CNOT8: variants seen among roughly 807,000 people sequenced by gnomAD.
The protein encoded by CNOT8 is CCR4-NOT transcription complex subunit 8.
Under a neutral mutation model 34.6 loss-of-function variants are expected in CNOT8, and 18 were observed. That is an observed-to-expected ratio of 0.52 (90% CI 0.36 to 0.77). The LOEUF is 0.77. CNOT8 is among the 30% of genes least tolerant of loss of function. The pLI is 0.00. For missense variants in CNOT8, 189 were observed against 347.9 expected (o/e 0.54, Z 3.63); for synonymous variants, 101 against 118.8 (o/e 0.85, Z 0.98).
At chr5:154,872,799 T>C (rs1324553015) in intron 6 of CNOT8, 148 bp downstream of exon 6, 5 of 329,712 alleles carry the variant, frequency 1.5e-5, no homozygotes, top group African/African-American at 2.2e-5. Context: ...GATGAAGCCT[T>C]GCTCTGTCAC....
At position 154,872,597 on chromosome 5, in the gene CNOT8, C is replaced by T. The variant is rs1762583153; in HGVS notation, c.675C>T (p.His225=). Residue 225 remains histidine, a synonymous_variant, in exon 6 of 7, where the codon CAC becomes CAT. Coordinates refer to ENST00000285896, the MANE Select transcript of CNOT8 (RefSeq NM_001301073.2). The part of the protein sequence containing the change: ...QLDLQRIGRQ[H]QAGSDSLLTG... ...ATTTGCAGAGGATTGGAAGGCAGCA[C>T]CAGGCAGGCTCAGACTCACTGCTGA... 1.2e-6 allele frequency: 2 copies of T among 1,613,728 alleles called. No homozygotes were observed. The highest frequency in any genetic ancestry group is 1.3e-5 in the African/African-American group (1 of 74,992).
rs1386520165 is a variant in CNOT8 at position 154,871,741 on chromosome 5, T to G, written c.485T>G (p.Phe162Cys). 6.2e-7 allele frequency: 1 copy of G among 1,614,050 alleles called. No individual in the cohort carries two copies. Residue 162 changes from phenylalanine to cysteine, a missense_variant, in exon 5 of 7, where the codon TTT becomes TGT. Physicochemically the swap from Phe to Cys is radical, Grantham distance 205 (BLOSUM62 -2). Around this residue, in one of 2 missense-constraint regions of CNOT8, gnomAD observed 160 missense variants for 321.9 expected, o/e 0.50. Transcript: ENST00000285896. ...TTATTCTCTTGTAGTGGCTATGATTTTGGCTATATGGTAAAGTTGCTTACA... is the reference window on the plus strand; with the variant it reads ...TTATTCTCTTGTAGTGGCTATGATTGTGGCTATATGGTAAAGTTGCTTACA... ...KWLSFHSGYD[F>C]GYMVKLLTDS...
chr5:154,866,763 A>G (rs563143402), intron 3 of CNOT8, among the ~76,000 whole-genome samples: 2 of 152,264 alleles, frequency 1.3e-5, no homozygotes, highest in South Asian at 4.1e-4. Context: ...AAATAAAAAA[A>G]TTAGCTGGGT....
Position 154,875,309 on chromosome 5 carries a change from T to A in CNOT8, c.749T>A (p.Ile250Asn). The change falls in exon 7 of 7, where the codon ATT becomes AAT. Residue 250 changes from isoleucine (I) to asparagine (N), a missense_variant. Around this residue, in one of 2 missense-constraint regions of CNOT8, gnomAD observed 160 missense variants for 321.9 expected, o/e 0.50. Transcript: ENST00000285896. ...RMKELFFEDSIDDAKYCGRLY... is the reference protein window; with the variant it reads ...RMKELFFEDSNDDAKYCGRLY... ...CTGCAGTTGTTTTTTGAGGACAGCA[T>A]TGATGATGCCAAGTACTGTGGGCGG... is the stretch of plus-strand genomic sequence containing the variant. 6.2e-7 allele frequency: 1 copy of A among 1,614,148 alleles called. No individual in the cohort carries two copies. The highest frequency in any genetic ancestry group is 8.5e-7 in the Non-Finnish European group (1 of 1,180,026).
intron 3 of CNOT8, among the ~76,000 whole-genome samples, chr5:154,865,872 G>C (rs1200931226): frequency 6.6e-6 from 1 of 152,202 alleles, no homozygotes; most frequent in African/African-American, 2.4e-5. Flanking sequence ...CTCCTAGGCA[G>C]TGGAAAATTC....
chr5:154,875,348 G>T lies in CNOT8; in HGVS notation c.788G>T (p.Gly263Val). ...AKYCGRLYGL[G>V]TGVAQKQNED... The stretch of plus-strand genomic sequence containing the variant: ...TACTGTGGGCGGCTCTATGGCTTAG[G>T]CACAGGAGTGGCCCAGAAGCAGAAT... Residue 263 changes from glycine to valine, a missense_variant, in exon 7 of 7, where the codon GGC (glycine) becomes GTC (valine). Coordinates refer to ENST00000285896, the MANE Select transcript of CNOT8 (RefSeq NM_001301073.2). 1 of 1,614,144 alleles carries T rather than the reference G, an allele frequency of 6.2e-7. No individual in the cohort carries two copies. Among genetic ancestry groups the T allele is most frequent in the South Asian group, 1.1e-5 (1 of 91,084 alleles).
chr5:154,864,235 C>T (rs917533465), intron 2 of CNOT8, among the ~76,000 whole-genome samples: 10 of 151,934 alleles, frequency 6.6e-5, no homozygotes, highest in Admixed American at 2.6e-4. Flanking sequence ...CCGAGACGGG[C>T]GGATCACGAG....
At chr5:154,861,580 C>G (rs904870469) in intron 1 of CNOT8, among the ~76,000 whole-genome samples, 3 of 152,198 alleles carry the variant, frequency 2.0e-5, no homozygotes, top group African/African-American at 7.2e-5. Context: ...CACTTACATT[C>G]GTTTTACTGT....
chr5:154,872,050 C>T (rs1460509739), intron 5 of CNOT8, among the ~76,000 whole-genome samples, 176 bp downstream of exon 5: 1 of 152,138 alleles, frequency 6.6e-6, no homozygotes, highest in Non-Finnish European at 1.5e-5. Flanking sequence ...CGATCTTTAA[C>T]CTGGCCATGA....
intron 3 of CNOT8, chr5:154,870,405 TA>T: frequency 1.3e-5 from 3 of 238,008 alleles, no homozygotes; most frequent in Non-Finnish European, 2.4e-5. Flanking sequence ...TTTTTTTTTT[TA>T]AATAATGAGC....
chr5:154,875,449 G>A lies in CNOT8; in HGVS notation c.*10G>A, dbSNP rs770150803. 3.1e-6 allele frequency: 5 copies of A among 1,612,700 alleles called. No homozygotes were observed. The highest frequency in any genetic ancestry group is 1.3e-5 in the African/African-American group (1 of 74,910). ...CAACATGCAGCAGTGATGGCGCCAG[G>A]CTCTGCAGGGTGGGCCTGATCCCAG... On this transcript the variant is annotated 3_prime_UTR_variant, in exon 7 of 7. Coordinates refer to ENST00000285896, the MANE Select transcript of CNOT8 (RefSeq NM_001301073.2).
At position 154,875,957 on chromosome 5, in the gene CNOT8, A is replaced by G. The variant is rs913626854; in HGVS notation, c.*518A>G. 5.9e-5 allele frequency: 9 copies of G among 153,378 alleles called. No homozygotes were observed. The highest frequency in any genetic ancestry group is 2.2e-4 in the African/African-American group (9 of 41,456). The allele number at this position is 153,378 out of a possible 1,614,324, so 9.5% of individuals were successfully genotyped here. A position where few individuals can be genotyped will look rare whatever the true frequency, so the allele number is the denominator to read the frequency against. ...TCCTTTTCTGACCCTTCTCGAGGAC[A>G]TTTGCTTTCCTCACACTTTTGTAGT... On this transcript the variant is annotated 3_prime_UTR_variant, in exon 7 of 7. Coordinates refer to ENST00000285896, the MANE Select transcript of CNOT8 (RefSeq NM_001301073.2).
intron 4 of CNOT8, 31 bp downstream of exon 4, chr5:154,870,853 C>T (rs769412049): frequency 2.5e-6 from 4 of 1,570,224 alleles, no homozygotes; most frequent in African/African-American, 1.4e-5. Flanking sequence ...ATTTCTCTCT[C>T]ACTTTGGGCT....
intron 3 of CNOT8, among the ~76,000 whole-genome samples, chr5:154,869,774 G>A (rs1160076642): frequency 1.3e-5 from 2 of 151,774 alleles, no homozygotes; most frequent in Admixed American, 6.6e-5. Flanking sequence ...ACAGGCGTGC[G>A]CCACCACGCC....
intron 3 of CNOT8, chr5:154,870,390 G>GTT (rs59523415): frequency 9.5e-4 from 192 of 202,334 alleles, no homozygotes; most frequent in South Asian, 2.3e-3. Flanking sequence ...GGTGTTATTG[G>GTT]TTTTTTTTTT....
In CNOT8 at chr5:154,876,631, C is replaced by CA. The variant is rs1762940830; in HGVS notation, c.*1193dup. 3 of 152,606 alleles carry CA rather than the reference C, an allele frequency of 2.0e-5. No homozygotes were observed. The highest frequency in any genetic ancestry group is 2.9e-5 in the Non-Finnish European group (2 of 68,026). 9.5% of individuals were successfully genotyped at this position (152,606 alleles called of 1,614,324 possible). A position where few individuals can be genotyped will look rare whatever the true frequency, so the allele number is the denominator to read the frequency against. On this transcript the variant is annotated 3_prime_UTR_variant, in exon 7 of 7. Transcript: ENST00000285896. ...TTGGTGGAAGTAAAAACTGGTAACT[C>CA]ACTCAAGTGAATGAATGGTCTTGCA...
chr5:154,863,134 T>G, intron 1 of CNOT8, 73 bp from the exon 2 acceptor site: 3 of 643,792 alleles, frequency 4.7e-6, no homozygotes, highest in Non-Finnish European at 8.5e-6. Context: ...AAAATATTAT[T>G]TTGATGTCTT....
intron 3 of CNOT8, among the ~76,000 whole-genome samples, chr5:154,868,268 CTTT>C (rs543872202): frequency 8.7e-5 from 9 of 103,918 alleles, no homozygotes; most frequent in Non-Finnish European, 1.1e-4. Context: ...CTTTTCTTTT[CTTT>C]TTTTTTTTTT....
At chr5:154,872,307 G>T (rs1762561844) in intron 5 of CNOT8, among the ~76,000 whole-genome samples, 1 of 152,188 alleles carries the variant, frequency 6.6e-6, no homozygotes. Flanking sequence ...GATTTTAATG[G>T]CAGAGTTCTG....
Sources: allele counts gnomAD v4.1 joint callset (sites outside exome capture counted in the v4.1 genomes callset), GRCh38; gene constraint gnomAD v4.1.1; regional missense constraint gnomAD v4.1.1; transcripts MANE v1.5; gene names NCBI Gene and HGNC (gene_info 2026-07-23, HGNC 2026-07-21).